RIOK2: variants seen among roughly 807,000 people sequenced by gnomAD.
The protein encoded by RIOK2 is serine/threonine-protein kinase RIO2.
In RIOK2, 46 loss-of-function variants were observed where a neutral mutation model predicts 62.4. The observed-to-expected ratio is 0.74, with a 90% CI of 0.58 to 0.94. The LOEUF is 0.94. Ranked by LOEUF, RIOK2 falls within the 40% of genes least tolerant of loss-of-function variation. The pLI is 0.00. For missense variants in RIOK2, 574 were observed against 658.0 expected (o/e 0.87, Z 1.40); for synonymous variants, 197 against 216.0 (o/e 0.91, Z 0.77).
chr5:97,166,605 C>T (rs1233561543), intron 8 of RIOK2: 2 of 301,216 alleles, frequency 6.6e-6, no homozygotes, highest in Admixed American at 6.1e-5. Context: ...AGTTTTAGAA[C>T]TTTTCCTAAT....
intron 9 of RIOK2, 186 bp downstream of exon 9, chr5:97,164,865 T>C (rs536011225): frequency 7.8e-6 from 3 of 382,246 alleles, no homozygotes; most frequent in Non-Finnish European, 1.4e-5. Context: ...AGGACACAAC[T>C]CTACCACATC....
chr5:97,169,381 GATAA>G (rs1268989209), intron 6 of RIOK2, among the ~76,000 whole-genome samples: 3 of 152,134 alleles, frequency 2.0e-5, no homozygotes, highest in Non-Finnish European at 4.4e-5. Context: ...CACCCAAAGG[GATAA>G]ATAATGCTAC....
At position 97,162,199 on chromosome 5, in the gene RIOK2, T is replaced by C. The variant is rs578154455; in HGVS notation, c.*862A>G. On this transcript the variant is annotated 3_prime_UTR_variant, in exon 10 of 10. Coordinates refer to ENST00000283109, the MANE Select transcript of RIOK2 (RefSeq NM_018343.3). ...TCCCCTTTTCCGACTTATGCGGCAA[T>C]GAAGAGACAATAATCAGGTGCATAC... is the stretch of plus-strand genomic sequence containing the variant. 6.6e-6 allele frequency: 1 copy of C among 152,284 alleles called. No individual in the cohort carries two copies. The highest frequency in any genetic ancestry group is 2.4e-5 in the African/African-American group (1 of 41,556). 9.4% of individuals were successfully genotyped at this position (152,284 alleles called of 1,614,324 possible). A position where few individuals can be genotyped will look rare whatever the true frequency, so the allele number is the denominator to read the frequency against.
At chr5:97,178,582 CT>C (rs1749240864) in intron 2 of RIOK2, among the ~76,000 whole-genome samples, 1 of 145,030 alleles carries the variant, frequency 6.9e-6, no homozygotes, top group South Asian at 2.2e-4. Context: ...CTCTTCTGTA[CT>C]CTACATGCTC....
intron 5 of RIOK2, 115 bp downstream of exon 5, chr5:97,173,060 T>G: frequency 1.5e-6 from 1 of 660,032 alleles, no homozygotes; most frequent in Non-Finnish European, 2.5e-6. Context: ...TTCCTTTAAA[T>G]AAATTTTAAC....
At chr5:97,180,470 GATAGCAT>G (rs1386991514) in intron 1 of RIOK2, among the ~76,000 whole-genome samples, 1 of 151,834 alleles carries the variant, frequency 6.6e-6, no homozygotes, top group African/African-American at 2.4e-5. Context: ...GCTCAGATGG[GATAGCAT>G]ATAGAATTCA....
Position 97,167,947 on chromosome 5 carries a change from G to C in RIOK2, c.917C>G (p.Thr306Arg). ...LDVEVSASGY[T>R]KEMQADDELL... The stretch of plus-strand genomic sequence containing the variant: ...TTCATCATCTGCCTGCATTTCCTTT[G>C]TGTAGCCACTGGCAGAAACCTCCAC... The change falls in exon 8 of 10, where the codon ACA (threonine) becomes AGA (arginine). Residue 306 changes from threonine to arginine, a missense_variant. Thr to Arg is a moderately conservative substitution (Grantham distance 71). Coordinates refer to ENST00000283109, the MANE Select transcript of RIOK2 (RefSeq NM_018343.3). 6.2e-7 allele frequency: 1 copy of C among 1,605,996 alleles called. No individual in the cohort carries two copies. Among genetic ancestry groups the C allele is most frequent in the Non-Finnish European group, 8.5e-7 (1 of 1,179,776 alleles).
At chr5:97,164,213 A>C (rs1222427164) in intron 9 of RIOK2, among the ~76,000 whole-genome samples, 1 of 151,918 alleles carries the variant, frequency 6.6e-6, no homozygotes, top group Non-Finnish European at 1.5e-5. Flanking sequence ...ATATCCAAGT[A>C]CAAATGGCTG....
At chr5:97,168,710 G>T in intron 7 of RIOK2, 50 bp downstream of exon 7, 1 of 1,126,936 alleles carries the variant, frequency 8.9e-7, no homozygotes, top group South Asian at 1.7e-5. Context: ...GAAATACACA[G>T]ACCAGATATT....
In RIOK2 at chr5:97,167,935, T is replaced by C; in HGVS notation, c.929A>G (p.Gln310Arg). The C allele has an allele frequency of 3.1e-6, 5 of 1,608,070 alleles. No individual in the cohort carries two copies. Among genetic ancestry groups the C allele is most frequent in the Non-Finnish European group, 4.2e-6 (5 of 1,179,908 alleles). Reference protein sequence around the residue: ...VSASGYTKEMQADDELLHPLG... With the variant: ...VSASGYTKEMRADDELLHPLG... ...TGGATGAAGCAGTTCATCATCTGCC[T>C]GCATTTCCTTTGTGTAGCCACTGGC... The change falls in exon 8 of 10, where the codon CAG (glutamine) becomes CGG (arginine). Residue 310 changes from glutamine (Q) to arginine (R), a missense_variant. Transcript: ENST00000283109.
chr5:97,166,559 T>G (rs1334721464), intron 8 of RIOK2, among the ~76,000 whole-genome samples: 1 of 152,174 alleles, frequency 6.6e-6, no homozygotes, highest in Non-Finnish European at 1.5e-5. Context: ...TAACTACAAT[T>G]TGATTCTGAA....
intron 4 of RIOK2, among the ~76,000 whole-genome samples, chr5:97,173,621 C>T (rs937036938): frequency 9.9e-5 from 15 of 152,242 alleles, no homozygotes; most frequent in African/African-American, 3.6e-4. Context: ...ATATCCTTTC[C>T]TATTTTGTAA....
intron 2 of RIOK2, 75 bp downstream of exon 2, chr5:97,178,980 C>G: frequency 6.4e-7 from 1 of 1,567,142 alleles, no homozygotes; most frequent in South Asian, 1.1e-5. Context: ...ACTTCTACTT[C>G]TTGACTTTTG....
chr5:97,182,752 G>C (rs559896600), intron 1 of RIOK2: 2 of 246,720 alleles, frequency 8.1e-6, no homozygotes, highest in East Asian at 1.0e-4. Context: ...GAGTCTGTTA[G>C]TAGGGAAGTC....
Position 97,179,054 on chromosome 5 carries a change from C to A in RIOK2, c.205+1G>T. The A allele has an allele frequency of 6.2e-7, 1 of 1,613,806 alleles. No individual in the cohort carries two copies. The highest frequency in any genetic ancestry group is 8.5e-7 in the Non-Finnish European group (1 of 1,179,878). On this transcript the variant is annotated splice_donor_variant, in intron 2 of 9. Coordinates refer to ENST00000283109, the MANE Select transcript of RIOK2 (RefSeq NM_018343.3). LOFTEE classifies it high-confidence loss of function. ...CACAAATGGTGCCTCAAAATACTTACTTTTGGTACGCTCCCAAGCTATGAG... is the reference window on the plus strand; with the variant it reads ...CACAAATGGTGCCTCAAAATACTTAATTTTGGTACGCTCCCAAGCTATGAG...
rs1203098311 is a variant in RIOK2 at position 97,161,421 on chromosome 5, A to G, written c.*1640T>C. On this transcript the variant is annotated 3_prime_UTR_variant, in exon 10 of 10. Transcript: ENST00000283109. ...ATGGCTAGCCAAACATATCTTCAAA[A>G]AATAACTATTATAATTATACCTTAG... is the stretch of plus-strand genomic sequence containing the variant. 6.6e-6 allele frequency: 1 copy of G among 152,212 alleles called. No individual in the cohort carries two copies. The highest frequency in any genetic ancestry group is 1.5e-5 in the Non-Finnish European group (1 of 68,030). The allele number at this position is 152,212 out of a possible 1,614,324, so 9.4% of individuals were successfully genotyped here.
chr5:97,168,385 A>ATAGTT (rs1438817473), intron 7 of RIOK2, among the ~76,000 whole-genome samples: 1 of 151,622 alleles, frequency 6.6e-6, no homozygotes, highest in Non-Finnish European at 1.5e-5. Context: ...AATGCACATG[A>ATAGTT]TAGTTATGTT....
At chr5:97,172,129 A>G (rs1749026714) in intron 5 of RIOK2, among the ~76,000 whole-genome samples, 1 of 152,054 alleles carries the variant, frequency 6.6e-6, no homozygotes. Flanking sequence ...TCAAAGGTCA[A>G]TCCTATGACC....
At chr5:97,164,940 A>G (rs1187310663) in intron 9 of RIOK2, 111 bp downstream of exon 9, 2 of 539,594 alleles carry the variant, frequency 3.7e-6, no homozygotes, top group Non-Finnish European at 3.1e-6. Context: ...TCAAAAAGCA[A>G]TCAACAGAAG....
Sources: gnomAD v4.1 joint callset for allele counts (sites outside exome capture counted in the v4.1 genomes callset) on GRCh38, gnomAD v4.1.1 for gene constraint, MANE v1.5 for transcripts, NCBI Gene and HGNC (gene_info 2026-07-23, HGNC 2026-07-21) for gene names.